The following MAP4K5 variants were observed in gnomAD, a reference collection of about 807,000 sequenced individuals.
The protein encoded by MAP4K5 is MAPK/ERK kinase kinase kinase 5.
In MAP4K5, 82 loss-of-function variants were observed where a neutral mutation model predicts 135.6. That is an observed-to-expected ratio of 0.60 (90% CI 0.51 to 0.73). MAP4K5 has a LOEUF of 0.73. Ranked by LOEUF, MAP4K5 falls within the 30% of genes least tolerant of loss-of-function variation. The pLI, the probability that MAP4K5 is intolerant of heterozygous loss-of-function variation, is 0.00. For synonymous variants in MAP4K5, 347 were observed against 335.0 expected, an observed-to-expected ratio of 1.04 and a Z score of -0.39; for missense variants, 907 against 1,010.9, an observed-to-expected ratio of 0.90 and a Z score of 1.39.
chr14:50,438,062 C>G lies in MAP4K5; in HGVS notation c.1708+30G>C, dbSNP rs759390651. 10 of 1,017,638 alleles carry G rather than the reference C, an allele frequency of 9.8e-6. No individual in the cohort carries two copies. The South Asian group carries it at 1.3e-4, about 13-fold the overall frequency. 63.0% of individuals were successfully genotyped at this position (1,017,638 alleles called of 1,614,324 possible). On this transcript the variant is annotated intron_variant, in intron 24 of 32. Transcript: ENST00000682126. ...GAGAATCATTTACAGCAGAGAAATA[C>G]AATTTTCGAGAAAAAGAAAACGTAA...
intron 6 of MAP4K5, among the ~76,000 whole-genome samples, chr14:50,480,806 G>A (rs550110765): frequency 3.3e-5 from 5 of 152,236 alleles, no homozygotes; most frequent in Non-Finnish European, 7.4e-5. Context: ...TTGTTCTTAA[G>A]CTACAAACCT....
At chr14:50,496,022 G>T (rs1046442274) in intron 3 of MAP4K5, among the ~76,000 whole-genome samples, 8 of 152,214 alleles carry the variant, frequency 5.3e-5, no homozygotes, top group Admixed American at 3.3e-4. Context: ...ACTAAAAGAT[G>T]CACTTAAAAA....
chr14:50,471,705 C>T (rs2036967253), intron 9 of MAP4K5: 2 of 152,156 alleles, frequency 1.3e-5, no homozygotes, highest in African/African-American at 4.8e-5. Context: ...GTCTTAGTTA[C>T]TTTCAAAGGG....
chr14:50,552,823 A>G (rs887954395), intron 1 of MAP4K5, among the ~76,000 whole-genome samples: 1 of 152,206 alleles, frequency 6.6e-6, no homozygotes, highest in Non-Finnish European at 1.5e-5. Context: ...GTAGAATGAA[A>G]CTGGATCCTC....
In MAP4K5 at chr14:50,437,538, A is replaced by G; in HGVS notation, c.1824-4T>C. On this transcript the variant is annotated splice_region_variant and splice_polypyrimidine_tract_variant and intron_variant, in intron 25 of 32. Coordinates refer to ENST00000682126, the MANE Select transcript of MAP4K5 (RefSeq NM_006575.6). ...CTTTGTTGTTAAAGCGAATTTTCTG[A>G]AAACGTAAGACGATATAAATGCACT... 1 of 1,590,672 alleles carries G rather than the reference A, an allele frequency of 6.3e-7. No homozygotes were observed. Among genetic ancestry groups the G allele is most frequent in the Non-Finnish European group, 8.6e-7 (1 of 1,167,540 alleles).
intron 31 of MAP4K5, among the ~76,000 whole-genome samples, chr14:50,425,154 T>C (rs373959754): frequency 4.9e-5 from 2 of 40,488 alleles, no homozygotes; most frequent in Non-Finnish European, 1.1e-4. Flanking sequence ...AAATGTGAAA[T>C]GTCTCTGTTA....
chr14:50,527,140 A>G (rs1196059600), intron 2 of MAP4K5, among the ~76,000 whole-genome samples: 4 of 152,128 alleles, frequency 2.6e-5, no homozygotes, highest in African/African-American at 7.2e-5. Context: ...GGAGATTGAG[A>G]CCATCCTAGT....
intron 1 of MAP4K5, among the ~76,000 whole-genome samples, chr14:50,554,114 T>C (rs1479004507): frequency 6.6e-6 from 1 of 152,164 alleles, no homozygotes; most frequent in African/African-American, 2.4e-5. Context: ...AAAAAGTTTT[T>C]TTTTTTTAAT....
chr14:50,476,606 A>C (rs1230199421), intron 6 of MAP4K5, among the ~76,000 whole-genome samples: 1 of 152,108 alleles, frequency 6.6e-6, no homozygotes, highest in African/African-American at 2.4e-5. Context: ...GATTACAGGC[A>C]TGCGCCACTA....
At chr14:50,467,171 A>G (rs1396307585) in intron 10 of MAP4K5, among the ~76,000 whole-genome samples, 1 of 152,132 alleles carries the variant, frequency 6.6e-6, no homozygotes, top group Non-Finnish European at 1.5e-5. Flanking sequence ...TTTGTCTATA[A>G]ACTCACGTGT....
intron 9 of MAP4K5, among the ~76,000 whole-genome samples, chr14:50,474,425 C>T (rs769856578): frequency 2.6e-5 from 4 of 151,652 alleles, no homozygotes; most frequent in Admixed American, 1.3e-4. Context: ...TTCACACAAA[C>T]TGCAAATGTC....
chr14:50,485,471 T>G, intron 5 of MAP4K5, 107 bp downstream of exon 5: 1 of 705,312 alleles, frequency 1.4e-6, no homozygotes, highest in Non-Finnish European at 2.4e-6. Flanking sequence ...AACAGAAGAA[T>G]GCAAAATAGT....
intron 32 of MAP4K5, among the ~76,000 whole-genome samples, chr14:50,420,870 A>G (rs1277338195): frequency 6.6e-6 from 1 of 152,044 alleles, no homozygotes; most frequent in East Asian, 1.9e-4. Flanking sequence ...AAAGAGTTCA[A>G]TCAAAGGACT....
intron 2 of MAP4K5, among the ~76,000 whole-genome samples, chr14:50,511,682 G>A (rs1274195005): frequency 2.0e-5 from 3 of 152,028 alleles, no homozygotes; most frequent in East Asian, 1.9e-4. Flanking sequence ...TTACCCATAT[G>A]TACAACTGTC....
chr14:50,440,317 T>C (rs1054978911), intron 22 of MAP4K5, 45 bp downstream of exon 22: 3 of 1,254,972 alleles, frequency 2.4e-6, no homozygotes, highest in Non-Finnish European at 3.4e-6. Flanking sequence ...CACTTCTTTA[T>C]TCAATTTGTT....
intron 13 of MAP4K5, among the ~76,000 whole-genome samples, chr14:50,459,444 C>T (rs1017892010): frequency 5.3e-5 from 8 of 152,150 alleles, no homozygotes; most frequent in African/African-American, 1.9e-4. Flanking sequence ...TTATTTTTAT[C>T]TTGTATAATT....
intron 6 of MAP4K5, 123 bp from the exon 7 acceptor site, chr14:50,476,429 A>G (rs1483762423): frequency 6.0e-6 from 3 of 497,190 alleles, no homozygotes; most frequent in African/African-American, 4.1e-5. Context: ...GGAGAAAAAA[A>G]CCTAGATAAG....
chr14:50,560,692 AGGGGTC>A (rs1015079742), intron 1 of MAP4K5, among the ~76,000 whole-genome samples: 2 of 152,178 alleles, frequency 1.3e-5, no homozygotes, highest in African/African-American at 4.8e-5. Flanking sequence ...CAGAGGGGCG[AGGGGTC>A]GGGGATCTAG....
At chr14:50,551,668 T>C (rs1003630888) in intron 1 of MAP4K5, among the ~76,000 whole-genome samples, 1 of 152,176 alleles carries the variant, frequency 6.6e-6, no homozygotes, top group African/African-American at 2.4e-5. Flanking sequence ...ATCAAAAAGA[T>C]AATATACATG....
Sources: allele counts gnomAD v4.1 joint callset (sites outside exome capture counted in the v4.1 genomes callset), GRCh38; gene constraint gnomAD v4.1.1; transcripts MANE v1.5; gene names NCBI Gene and HGNC (gene_info 2026-07-23, HGNC 2026-07-21).